RTCB: variants seen among roughly 807,000 people sequenced by gnomAD.
The protein encoded by RTCB is RNA-splicing ligase RTCB.
In RTCB, 32 loss-of-function variants were observed where a neutral mutation model predicts 58.2. The ratio of observed to expected loss-of-function variants is 0.55; its 90% CI spans 0.41 to 0.74. The LOEUF is 0.74. RTCB is among the 30% of genes least tolerant of loss of function. The pLI is 0.00. For missense variants in RTCB, 523 were observed against 639.0 expected, an observed-to-expected ratio of 0.82 and a Z score of 1.96; for synonymous variants, 247 against 218.6, an observed-to-expected ratio of 1.13 and a Z score of -1.15.
In RTCB at chr22:32,388,103, C is replaced by T; in HGVS notation, c.1411-4G>A. 1.9e-6 allele frequency: 3 copies of T among 1,583,956 alleles called. No homozygotes were observed. Among genetic ancestry groups the T allele is most frequent in the Non-Finnish European group, 8.7e-7 (1 of 1,152,984 alleles). ...CATTCTTATAGGACTCAGGAGCCTG[C>T]AGGAGAGGAATTTAAACATTGTACA... On this transcript the variant is annotated splice_polypyrimidine_tract_variant and splice_region_variant and intron_variant, in intron 11 of 11. Coordinates refer to ENST00000216038, the MANE Select transcript of RTCB (RefSeq NM_014306.5).
Position 32,396,080 on chromosome 22 carries a change from G to A in RTCB, c.984C>T (p.Thr328=). 6.2e-7 allele frequency: 1 copy of A among 1,613,900 alleles called. No homozygotes were observed. The highest frequency in any genetic ancestry group is 8.5e-7 in the Non-Finnish European group (1 of 1,179,874). ...WVNRSSMTFL[T]RQAFAKVFNT... ...AGAGCAACTTCTACTGTACCTGACG[G>A]GTTAAGAAGGTCATGGAAGAGCGGT... Residue 328 remains threonine (T), a synonymous_variant, in exon 8 of 12, where the codon ACC becomes ACT. Coordinates refer to ENST00000216038, the MANE Select transcript of RTCB (RefSeq NM_014306.5).
At chr22:32,396,416 G>C (rs1009684242) in intron 7 of RTCB, among the ~76,000 whole-genome samples, 167 bp from the exon 8 acceptor site, 8 of 152,198 alleles carry the variant, frequency 5.3e-5, no homozygotes, top group African/African-American at 1.9e-4. Context: ...GCTCAGTCAA[G>C]ACGTACTTGA....
In RTCB at chr22:32,406,753, A is replaced by C. The variant is rs1391129487; in HGVS notation, c.249T>G (p.Ile83Met). 1 of 1,609,366 alleles carries C rather than the reference A, an allele frequency of 6.2e-7. No individual in the cohort carries two copies. The highest frequency in any genetic ancestry group is 2.2e-5 in the East Asian group (1 of 44,806). The stretch of plus-strand genomic sequence containing the variant: ...ATCCTGAATGGACATCAGGAAGCCC[A>C]ATAGATCGCTGAAAAAGAATTAGAA... The part of the protein sequence containing the change: ...AALPGIVHRS[I>M]GLPDVHSGYG... Residue 83 changes from isoleucine to methionine, a missense_variant, in exon 4 of 12, where the codon ATT becomes ATG. Transcript: ENST00000216038.
intron 4 of RTCB, among the ~76,000 whole-genome samples, chr22:32,402,447 G>C (rs971749674): frequency 6.6e-6 from 1 of 152,076 alleles, no homozygotes; most frequent in Non-Finnish European, 1.5e-5. Context: ...TTAGACATAA[G>C]TACTTTTATT....
At chr22:32,398,224 C>A in intron 6 of RTCB, 124 bp from the exon 7 acceptor site, 1 of 1,054,660 alleles carries the variant, frequency 9.5e-7, no homozygotes, top group East Asian at 2.6e-5. Context: ...GTTTCAGTAA[C>A]AAAAAAATTC....
At chr22:32,409,201 T>TAAAA (rs10640693) in intron 1 of RTCB, among the ~76,000 whole-genome samples, 2 of 149,480 alleles carry the variant, frequency 1.3e-5, no homozygotes, top group African/African-American at 4.9e-5. Context: ...TTTTGAAAAT[T>TAAAA]AAAAAAAAAA....
At chr22:32,394,876 G>T in intron 9 of RTCB, 150 bp downstream of exon 9, 1 of 688,152 alleles carries the variant, frequency 1.5e-6, no homozygotes. Context: ...AGGAGTTACT[G>T]CTTCAGAGAA....
chr22:32,398,018 A>G lies in RTCB; in HGVS notation c.737T>C (p.Met246Thr). Residue 246 changes from methionine to threonine, a missense_variant, in exon 7 of 12, where the codon ATG becomes ACG. Met to Thr is a moderately conservative substitution (Grantham distance 81). Around this residue, in one of 3 missense-constraint regions of RTCB, gnomAD observed 141 missense variants for 216.7 expected, o/e 0.65. Coordinates refer to ENST00000216038, the MANE Select transcript of RTCB (RefSeq NM_014306.5). Reference protein sequence around the residue: ...EIFNEYAAKKMGIDHKGQVCV... With the variant: ...EIFNEYAAKKTGIDHKGQVCV... ...CACCTGTCCCTTATGGTCGATGCCC[A>G]TTTTTTTAGCAGCATACTCATTGAA... The G allele has an allele frequency of 3.1e-6, 5 of 1,614,004 alleles. No homozygotes were observed. Among genetic ancestry groups the G allele is most frequent in the Middle Eastern group, 1.6e-4 (1 of 6,062 alleles).
intron 4 of RTCB, among the ~76,000 whole-genome samples, chr22:32,405,671 TAGC>T (rs1281384128): frequency 6.6e-5 from 10 of 152,320 alleles, no homozygotes; most frequent in Admixed American, 6.5e-5. Flanking sequence ...CTTACTGCCT[TAGC>T]AGATTTTCTG....
chr22:32,388,454 G>A (rs1165248647), intron 11 of RTCB, among the ~76,000 whole-genome samples: 2 of 152,164 alleles, frequency 1.3e-5, no homozygotes, highest in African/African-American at 2.4e-5. Flanking sequence ...TCTCTTGATG[G>A]TAGAATTACT....
intron 8 of RTCB, among the ~76,000 whole-genome samples, chr22:32,395,854 C>A (rs572490315): frequency 3.0e-4 from 46 of 152,252 alleles, no homozygotes; most frequent in Middle Eastern, 6.8e-3. Context: ...GCCACGACGA[C>A]CAGCTAAGCT....
intron 5 of RTCB, 76 bp from the exon 6 acceptor site, chr22:32,399,835 G>A (rs1933306307): frequency 1.5e-6 from 2 of 1,365,428 alleles, no homozygotes; most frequent in African/African-American, 1.4e-5. Flanking sequence ...CATCCTTAAA[G>A]GGCAGAGAAA....
At chr22:32,405,810 C>T (rs1490807535) in intron 4 of RTCB, among the ~76,000 whole-genome samples, 2 of 152,106 alleles carry the variant, frequency 1.3e-5, no homozygotes, top group Non-Finnish European at 2.9e-5. Flanking sequence ...GTCATTTAAA[C>T]TTCATTTCTA....
chr22:32,409,210 A>AG (rs1933478913), intron 1 of RTCB, among the ~76,000 whole-genome samples: 1 of 151,764 alleles, frequency 6.6e-6, no homozygotes. Context: ...TTAAAAAAAA[A>AG]AACCAAATGA....
intron 8 of RTCB, among the ~76,000 whole-genome samples, chr22:32,395,576 T>C (rs1387827508): frequency 1.3e-5 from 2 of 152,250 alleles, no homozygotes; most frequent in East Asian, 3.8e-4. Context: ...TTCTCATGCC[T>C]GATACTCTGA....
chr22:32,394,882 G>C, intron 9 of RTCB, 144 bp downstream of exon 9: 1 of 713,344 alleles, frequency 1.4e-6, no homozygotes, highest in South Asian at 2.0e-5. Context: ...TACTGCTTCA[G>C]AGAAGATTGG....
At chr22:32,394,303 G>T (rs1416178725) in intron 9 of RTCB, among the ~76,000 whole-genome samples, 1 of 152,042 alleles carries the variant, frequency 6.6e-6, no homozygotes. Flanking sequence ...AGTAGAGGCG[G>T]AGTTTCACCA....
At chr22:32,408,148 T>G in intron 3 of RTCB, 27 bp downstream of exon 3, 1 of 1,598,176 alleles carries the variant, frequency 6.3e-7, no homozygotes, top group Non-Finnish European at 8.6e-7. Context: ...GAAATATAAA[T>G]GATTAAAGTT....
At position 32,412,067 on chromosome 22, in the gene RTCB, C is replaced by T; in HGVS notation, c.90G>A (p.Met30Ile). The T allele has an allele frequency of 6.2e-7, 1 of 1,605,158 alleles. No homozygotes were observed. Among genetic ancestry groups the T allele is most frequent in the South Asian group, 1.1e-5 (1 of 90,224 alleles). ...WRIKKGFVPN[M>I]QVEGVFYVND... ...GCCATTTGCTCTCCTGCCTTACCTG[C>T]ATGTTGGGCACGAAGCCCTTCTTGA... Residue 30 changes from methionine to isoleucine, a missense_variant, in exon 1 of 12, where the codon ATG (methionine) becomes ATA (isoleucine). Around this residue, in one of 3 missense-constraint regions of RTCB, gnomAD observed 134 missense variants for 129.9 expected, o/e 1.03. Transcript: ENST00000216038.
Sources: gnomAD v4.1 joint callset for allele counts (sites outside exome capture counted in the v4.1 genomes callset) on GRCh38, gnomAD v4.1.1 for gene constraint, gnomAD v4.1.1 regional missense constraint, MANE v1.5 for transcripts, NCBI Gene and HGNC (gene_info 2026-07-23, HGNC 2026-07-21) for gene names.